Variants in SLC30A3 observed in about 807,000 individuals in gnomAD.
SLC30A3 encodes the protein probable proton-coupled zinc antiporter SLC30A3.
Under a neutral mutation model 35.6 loss-of-function variants are expected in SLC30A3, and 20 were observed. The observed-to-expected ratio is 0.56, with a 90% CI of 0.39 to 0.82. SLC30A3 has a LOEUF of 0.82. Among genes scored for constraint, SLC30A3 ranks in the 40% least tolerant of loss-of-function variants. The probability of loss-of-function intolerance (pLI) is 0.00; values close to 1 mark genes in which losing one functional copy is unlikely to be tolerated. For synonymous variants in SLC30A3, 217 were observed against 224.7 expected (o/e 0.97, Z 0.31); for missense variants, 401 against 530.6 (o/e 0.76, Z 2.40).
rs1227326861 is a variant in SLC30A3 at position 27,258,090 on chromosome 2, G to A, written c.425-32C>T. 6.2e-7 allele frequency: 1 copy of A among 1,612,554 alleles called. No homozygotes were observed. Among genetic ancestry groups the A allele is most frequent in the East Asian group, 2.2e-5 (1 of 44,844 alleles). On this transcript the variant is annotated intron_variant, in intron 3 of 7. Coordinates refer to ENST00000233535, the MANE Select transcript of SLC30A3 (RefSeq NM_003459.5). The surrounding 1 kb of genome is among the most constrained non-coding windows in gnomAD (Gnocchi z 4.0). Reference sequence around the variant, plus strand: ...GTGGGGGGGGAGACAAGCTGTCAGAGACCTGCTTGGGACCCTGACGGGTGC... The same window carrying A: ...GTGGGGGGGGAGACAAGCTGTCAGAAACCTGCTTGGGACCCTGACGGGTGC...
Position 27,258,784 on chromosome 2 carries a change from A to T in SLC30A3, c.246T>A (p.Val82=). 1 of 1,614,156 alleles carries T rather than the reference A, an allele frequency of 6.2e-7. No homozygotes were observed. The highest frequency in any genetic ancestry group is 8.5e-7 in the Non-Finnish European group (1 of 1,180,032). Residue 82 remains valine, a synonymous_variant, in exon 2 of 8, where the codon GTT becomes GTA. Coordinates refer to ENST00000233535, the MANE Select transcript of SLC30A3 (RefSeq NM_003459.5). This position sits in a 1 kb window ranked among gnomAD's most constrained non-coding sequence, Gnocchi z 4.0. ...CCTCCCCAGCCATGAAGACAAAGCA[A>T]ACGGCACAGGCAGCATATAGCTGCC... is the stretch of plus-strand genomic sequence containing the variant. ...ARRQLYAACA[V]CFVFMAGEVV... is the part of the protein sequence containing the mutation.
At position 27,255,759 on chromosome 2, in the gene SLC30A3, C is replaced by T. The variant is rs1385236478; in HGVS notation, c.1019-299G>A. 2.7e-6 allele frequency: 1 copy of T among 365,224 alleles called. No individual in the cohort carries two copies. The highest frequency in any genetic ancestry group is 2.1e-5 in the African/African-American group (1 of 46,952). 22.6% of individuals were successfully genotyped at this position (365,224 alleles called of 1,614,324 possible). ...ATACCACCCGATTTCCCAGGACAAT[C>T]CAGTTGTTAAATATCTGTCTCATTG... On this transcript the variant is annotated intron_variant, in intron 7 of 7. Coordinates refer to ENST00000233535, the MANE Select transcript of SLC30A3 (RefSeq NM_003459.5). This position sits in a 1 kb window ranked among gnomAD's most constrained non-coding sequence, Gnocchi z 5.2.
intron 1 of SLC30A3, among the ~76,000 whole-genome samples, chr2:27,272,180 G>A (rs1021253952): frequency 6.6e-6 from 1 of 152,158 alleles, no homozygotes; most frequent in Non-Finnish European, 1.5e-5. Flanking sequence ...ATAAGAAACG[G>A]GGAGTTCAGG....
At position 27,271,785 on chromosome 2, in the gene SLC30A3, C is replaced by T. The variant is rs527450498; in HGVS notation, c.-159+3392G>A. Among the ~76,000 whole-genome samples the T allele has an allele frequency of 5.8e-4, 88 of 152,352 alleles. No homozygotes were observed. Among genetic ancestry groups the T allele is most frequent in the African/African-American group, 2.0e-3 (84 of 41,590 alleles). Reference sequence around the variant, plus strand: ...CAGGCCGACTGGGCCGTGCTACTCCCACCTCTGCAGCTTCCTGGCTGAAGT... The same window carrying T: ...CAGGCCGACTGGGCCGTGCTACTCCTACCTCTGCAGCTTCCTGGCTGAAGT... On this transcript the variant is annotated intron_variant, in intron 1 of 5. Transcript: ENST00000424577. This position sits in a 1 kb window ranked among gnomAD's most constrained non-coding sequence, Gnocchi z 4.3.
rs576882351 is a variant in SLC30A3 at position 27,254,104 on chromosome 2, C to T, written c.*1208G>A. The T allele has an allele frequency of 2.6e-5, 4 of 152,346 alleles. No individual in the cohort carries two copies. Among genetic ancestry groups the T allele is most frequent in the African/African-American group, 9.6e-5 (4 of 41,562 alleles). The allele number at this position is 152,346 out of a possible 1,614,324, so 9.4% of individuals were successfully genotyped here. A position where few individuals can be genotyped will look rare whatever the true frequency, so the allele number is the denominator to read the frequency against. ...AGGTCCTTGGTGTTCACAGCCTAAA[C>T]CTGGACTCAGGGTTGGCTGCTATCA... On this transcript the variant is annotated 3_prime_UTR_variant, in exon 8 of 8. Transcript: ENST00000233535.
upstream of SLC30A3, among the ~76,000 whole-genome samples, chr2:27,265,058 G>C (rs1677438103): frequency 2.0e-5 from 3 of 152,266 alleles, no homozygotes; most frequent in Non-Finnish European, 2.9e-5. This position sits in a 1 kb window ranked among gnomAD's most constrained non-coding sequence, Gnocchi z 5.9. Context: ...AGAATGGGGA[G>C]AAACTGCGGG....
chr2:27,275,480 G>A (rs921380850), upstream of SLC30A3: 28 of 337,188 alleles, frequency 8.3e-5, no homozygotes, highest in African/African-American at 5.4e-4. Flanking sequence ...GTCAACTGCT[G>A]GACCCGGCCG....
At position 27,258,069 on chromosome 2, in the gene SLC30A3, G is replaced by T. The variant is rs183171684; in HGVS notation, c.425-11C>A. 147 of 1,613,528 alleles carry T rather than the reference G, an allele frequency of 9.1e-5. No homozygotes were observed. In the African/African-American group the frequency reaches 1.0e-3, roughly 11 times the overall value. On this transcript the variant is annotated splice_polypyrimidine_tract_variant and intron_variant, in intron 3 of 7. Coordinates refer to ENST00000233535, the MANE Select transcript of SLC30A3 (RefSeq NM_003459.5). This position sits in a 1 kb window ranked among gnomAD's most constrained non-coding sequence, Gnocchi z 4.0. ...AAGCCCCCAGAGTCTCTGCGGGTGGGGGGGGAGACAAGCTGTCAGAGACCT... is the reference window on the plus strand; with the variant it reads ...AAGCCCCCAGAGTCTCTGCGGGTGGTGGGGGAGACAAGCTGTCAGAGACCT...
upstream of SLC30A3, among the ~76,000 whole-genome samples, chr2:27,265,009 C>T (rs1677435778): frequency 6.6e-6 from 1 of 152,264 alleles, no homozygotes; most frequent in Admixed American, 6.5e-5. This position sits in a 1 kb window ranked among gnomAD's most constrained non-coding sequence, Gnocchi z 5.9. Context: ...GGCTCGGATG[C>T]GGCAGCCTGG....
chr2:27,257,817 G>A lies in SLC30A3; in HGVS notation c.578+88C>T. Reference sequence around the variant, plus strand: ...CTGTGTGTGCGTGTCTGTGTGTCTGGTGGGGAGGAGAGAGCCAGCTCTCCC... The same window carrying A: ...CTGTGTGTGCGTGTCTGTGTGTCTGATGGGGAGGAGAGAGCCAGCTCTCCC... On this transcript the variant is annotated intron_variant, in intron 4 of 7. Coordinates refer to ENST00000233535, the MANE Select transcript of SLC30A3 (RefSeq NM_003459.5). This position sits in a 1 kb window ranked among gnomAD's most constrained non-coding sequence, Gnocchi z 4.7. 1 of 1,311,240 alleles carries A rather than the reference G, an allele frequency of 7.6e-7. No individual in the cohort carries two copies. The highest frequency in any genetic ancestry group is 1.1e-6 in the Non-Finnish European group (1 of 938,220). 81.2% of individuals were successfully genotyped at this position (1,311,240 alleles called of 1,614,324 possible).
Position 27,254,711 on chromosome 2 carries a change from C to A in SLC30A3, c.*601G>T. ...ATGGATGGAGCAGACTCATAGAAAC[C>A]ATAGCACAGCCACATAGGCACAGAG... is the stretch of plus-strand genomic sequence containing the variant. On this transcript the variant is annotated 3_prime_UTR_variant, in exon 8 of 8. Transcript: ENST00000233535. 5.2e-6 allele frequency: 1 copy of A among 191,636 alleles called. No individual in the cohort carries two copies. The highest frequency in any genetic ancestry group is 1.1e-5 in the Non-Finnish European group (1 of 92,748). 11.9% of individuals were successfully genotyped at this position (191,636 alleles called of 1,614,324 possible). A position where few individuals can be genotyped will look rare whatever the true frequency, so the allele number is the denominator to read the frequency against.
At chr2:27,256,662 T>C in intron 6 of SLC30A3, 126 bp downstream of exon 6, 1 of 1,336,772 alleles carries the variant, frequency 7.5e-7, no homozygotes, top group Non-Finnish European at 1.0e-6. Context: ...AAATCCTTGT[T>C]CCAGCAGCAG....
chr2:27,256,565 C>A (rs1439061467), intron 6 of SLC30A3, 45 bp from the exon 7 acceptor site: 4 of 1,610,716 alleles, frequency 2.5e-6, no homozygotes, highest in African/African-American at 2.7e-5. Flanking sequence ...GCTACTCCTG[C>A]CCAGAAGCAG....
Position 27,262,694 on chromosome 2 carries a change from G to A in SLC30A3, c.95+118C>T. On this transcript the variant is annotated intron_variant, in intron 1 of 7. Transcript: ENST00000233535. The surrounding 1 kb of genome is among the most constrained non-coding windows in gnomAD (Gnocchi z 7.5). ...GGGATGAAGCGGGGTGCAGCGGAGC[G>A]AGGGACCCGCGGTGCGCTGGGGCGG... The A allele has an allele frequency of 1.0e-5, 10 of 994,738 alleles. No individual in the cohort carries two copies. Among genetic ancestry groups the A allele is most frequent in the South Asian group, 2.0e-5 (1 of 51,186 alleles). The allele number at this position is 994,738 out of a possible 1,614,324, so 61.6% of individuals were successfully genotyped here. A position where few individuals can be genotyped will look rare whatever the true frequency, so the allele number is the denominator to read the frequency against.
intron 6 of SLC30A3, 35 bp downstream of exon 6, chr2:27,256,753 G>T: frequency 6.8e-7 from 1 of 1,472,358 alleles, no homozygotes; most frequent in Non-Finnish European, 9.4e-7. Context: ...GTCAGAGAGG[G>T]CCACAGGGAT....
At chr2:27,272,310 A>C (rs900755881) in intron 1 of SLC30A3, among the ~76,000 whole-genome samples, 1 of 152,116 alleles carries the variant, frequency 6.6e-6, no homozygotes, top group African/African-American at 2.4e-5. Flanking sequence ...CTTCTGTCCC[A>C]GGGAATTCTG....
rs1223132795 is a variant in SLC30A3, at chr2:27,255,189, G to A, written c.*123C>T. Reference sequence around the variant, plus strand: ...CTGAGGCTGGGGAAACTGGCAGGTGGTAGGAGGGAGAGAGGAAGGGGTATG... The same window carrying A: ...CTGAGGCTGGGGAAACTGGCAGGTGATAGGAGGGAGAGAGGAAGGGGTATG... On this transcript the variant is annotated 3_prime_UTR_variant, in exon 8 of 8. Transcript: ENST00000233535. This position sits in a 1 kb window ranked among gnomAD's most constrained non-coding sequence, Gnocchi z 5.2. 6.3e-7 allele frequency: 1 copy of A among 1,596,838 alleles called. No homozygotes were observed. Among genetic ancestry groups the A allele is most frequent in the Non-Finnish European group, 8.5e-7 (1 of 1,177,278 alleles).
chr2:27,267,995 T>G (rs954200863), upstream of SLC30A3, among the ~76,000 whole-genome samples: 2 of 152,074 alleles, frequency 1.3e-5, no homozygotes, highest in Non-Finnish European at 2.9e-5. Flanking sequence ...CATTCTCTAT[T>G]TCTATTCCTT....
Position 27,258,885 on chromosome 2 carries a change from C to T in SLC30A3, c.145G>A (p.Glu49Lys), listed in dbSNP as rs2148125597. The T allele has an allele frequency of 6.2e-7, 1 of 1,613,672 alleles. No individual in the cohort carries two copies. The highest frequency in any genetic ancestry group is 2.2e-5 in the East Asian group (1 of 44,880). Residue 49 changes from glutamate (E) to lysine (K), a missense_variant, in exon 2 of 8, where the codon GAG (glutamate) becomes AAG (lysine). Glu to Lys is a moderately conservative substitution (Grantham distance 56). Coordinates refer to ENST00000233535, the MANE Select transcript of SLC30A3 (RefSeq NM_003459.5). This position sits in a 1 kb window ranked among gnomAD's most constrained non-coding sequence, Gnocchi z 4.0. Reference protein sequence around the residue: ...EPLPEESKPVEMPFHHCHRDP... With the variant: ...EPLPEESKPVKMPFHHCHRDP... Reference sequence around the variant, plus strand: ...CTGTGGCAGTGGTGGAAGGGCATCTCCACAGGTTTGGACTCCTCAGGGAGG... The same window carrying T: ...CTGTGGCAGTGGTGGAAGGGCATCTTCACAGGTTTGGACTCCTCAGGGAGG...
Sources: gnomAD v4.1 joint callset for allele counts (sites outside exome capture counted in the v4.1 genomes callset) on GRCh38, gnomAD v4.1.1 for gene constraint, Gnocchi (gnomAD v3.1) non-coding constraint, MANE v1.5 for transcripts, NCBI Gene and HGNC (gene_info 2026-07-23, HGNC 2026-07-21) for gene names.